Variants in RALGPS2 observed in about 807,000 individuals in gnomAD.
The protein encoded by RALGPS2 is Ral GEF with PH domain and SH3 binding motif 2.
RALGPS2 carries 43 observed loss-of-function variants against 86.8 expected under a neutral mutation model. That is an observed-to-expected ratio of 0.50 (90% confidence interval 0.39 to 0.64). The LOEUF (loss-of-function observed/expected upper bound fraction) is 0.64. Ranked by LOEUF, RALGPS2 falls within the 30% of genes least tolerant of loss-of-function variation. The pLI, the probability that RALGPS2 is intolerant of heterozygous loss-of-function variation, is 0.00. For synonymous variants in RALGPS2, 243 were observed against 231.3 expected (o/e 1.05, Z -0.46); for missense variants, 536 against 694.6 (o/e 0.77, Z 2.57).
intron 8 of RALGPS2, among the ~76,000 whole-genome samples, chr1:178,870,118 C>T (rs1472913796): frequency 6.6e-6 from 1 of 152,070 alleles, no homozygotes; most frequent in Non-Finnish European, 1.5e-5. Context: ...ATTACTATTA[C>T]ATGTAAGCCT....
At chr1:178,835,021 G>A (rs568688588) in intron 8 of RALGPS2, among the ~76,000 whole-genome samples, 4 of 152,120 alleles carry the variant, frequency 2.6e-5, no homozygotes, top group East Asian at 1.9e-4. Flanking sequence ...CAAGTGATCC[G>A]CCCATCTCAG....
intron 1 of RALGPS2, among the ~76,000 whole-genome samples, chr1:178,738,573 A>G (rs533801550): frequency 6.6e-6 from 1 of 152,196 alleles, no homozygotes; most frequent in African/African-American, 2.4e-5. Context: ...TTTCAATTTT[A>G]TGTTTCCTTA....
At chr1:178,904,267 A>G (rs1048279842) in intron 18 of RALGPS2, among the ~76,000 whole-genome samples, 1 of 152,126 alleles carries the variant, frequency 6.6e-6, no homozygotes, top group African/African-American at 2.4e-5. Flanking sequence ...TGTCAGATGT[A>G]TAGATTGTGA....
At chr1:178,763,420 T>C (rs1199610605) in intron 1 of RALGPS2, among the ~76,000 whole-genome samples, 4 of 152,258 alleles carry the variant, frequency 2.6e-5, no homozygotes, top group Admixed American at 6.5e-5. Flanking sequence ...ATTGAATCTT[T>C]AGATTGCTTT....
At chr1:178,864,931 T>C in intron 8 of RALGPS2, 1 of 1,401,912 alleles carries the variant, frequency 7.1e-7, no homozygotes, top group Non-Finnish European at 9.3e-7. Context: ...TACTCCCACT[T>C]TTTACAGTAA....
intron 9 of RALGPS2, among the ~76,000 whole-genome samples, 200 bp from the exon 10 acceptor site, chr1:178,878,702 A>T (rs559626876): frequency 1.3e-5 from 2 of 152,184 alleles, no homozygotes; most frequent in African/African-American, 4.8e-5. Flanking sequence ...ACAACAATCT[A>T]TACAAACAAT....
At chr1:178,835,951 G>T (rs1419556602) in intron 8 of RALGPS2, among the ~76,000 whole-genome samples, 2 of 152,138 alleles carry the variant, frequency 1.3e-5, no homozygotes, top group African/African-American at 4.8e-5. Context: ...AGAAAATTAA[G>T]ATTATTTTCC....
chr1:178,831,015 T>C (rs1393839636), intron 7 of RALGPS2, among the ~76,000 whole-genome samples: 1 of 152,212 alleles, frequency 6.6e-6, no homozygotes, highest in African/African-American at 2.4e-5. Flanking sequence ...TGGATGAAGC[T>C]TTAATATCAC....
At chr1:178,854,868 GT>G (rs1657424248) in intron 8 of RALGPS2, among the ~76,000 whole-genome samples, 1 of 152,138 alleles carries the variant, frequency 6.6e-6, no homozygotes, top group African/African-American at 2.4e-5. Context: ...CTTTTAGGGT[GT>G]CTGACTCTTG....
intron 8 of RALGPS2, among the ~76,000 whole-genome samples, chr1:178,847,666 G>T (rs1223307784): frequency 1.3e-5 from 2 of 152,114 alleles, no homozygotes; most frequent in Admixed American, 6.5e-5. Flanking sequence ...CTTTAGTACA[G>T]ATTTATAAGT....
At position 178,851,148 on chromosome 1, in the gene RALGPS2, A is replaced by G. The variant is rs980692057; in HGVS notation, c.607+17598A>G. ...CTCTCTTCAGTCAATAGGCTTGATC[A>G]TCATCTGAACTGCTCTTAAGGAGTA... On this transcript the variant is annotated intron_variant, in intron 8 of 19. Transcript: ENST00000367635. 31 of 1,613,192 alleles carry G rather than the reference A, an allele frequency of 1.9e-5. No homozygotes were observed. Among genetic ancestry groups the G allele is most frequent in the Non-Finnish European group, 2.5e-5 (30 of 1,179,672 alleles).
intron 19 of RALGPS2, among the ~76,000 whole-genome samples, chr1:178,911,377 T>C (rs774208083): frequency 1.3e-5 from 2 of 152,182 alleles, no homozygotes; most frequent in Non-Finnish European, 2.9e-5. Flanking sequence ...TCTTTCTAAC[T>C]TCTTGACATA....
intron 4 of RALGPS2, among the ~76,000 whole-genome samples, chr1:178,795,638 A>G (rs1304991228): frequency 6.6e-6 from 1 of 151,946 alleles, no homozygotes; most frequent in Non-Finnish European, 1.5e-5. Context: ...TGTCTCGAAC[A>G]CCTGACCTAA....
At chr1:178,901,823 TATATC>T (rs1660189256) in intron 17 of RALGPS2, among the ~76,000 whole-genome samples, 1 of 151,956 alleles carries the variant, frequency 6.6e-6, no homozygotes, top group Non-Finnish European at 1.5e-5. Flanking sequence ...AACAGATTAA[TATATC>T]ATATTCACAA....
intron 2 of RALGPS2, among the ~76,000 whole-genome samples, chr1:178,779,451 G>A (rs923541852): frequency 1.3e-5 from 2 of 152,114 alleles, no homozygotes; most frequent in African/African-American, 4.8e-5. Flanking sequence ...TTTTGCCCCA[G>A]CTAGTTACTT....
chr1:178,873,401 CAG>C lies in RALGPS2; in HGVS notation c.608-4091_608-4090del, dbSNP rs140625604. On this transcript the variant is annotated intron_variant, in intron 8 of 19. Transcript: ENST00000367635. Reference sequence around the variant, plus strand: ...AATCAAGGAAATAAAAATTAAGACACAGAGAGATACCATTTTATACTCAGAAG... The same window carrying C: ...AATCAAGGAAATAAAAATTAAGACACAGAGATACCATTTTATACTCAGAAG... Among the ~76,000 whole-genome samples the C allele has an allele frequency of 1.2e-4, 18 of 152,194 alleles. No individual in the cohort carries two copies. In the South Asian group the frequency reaches 2.3e-3, roughly 19 times the overall value.
intron 6 of RALGPS2, among the ~76,000 whole-genome samples, chr1:178,817,331 ACT>A (rs559959043): frequency 8.9e-4 from 118 of 132,648 alleles, no homozygotes; most frequent in African/African-American, 3.2e-3. Flanking sequence ...GGCGACAGAG[ACT>A]CTGTCTCAAT....
intron 4 of RALGPS2, among the ~76,000 whole-genome samples, chr1:178,806,788 A>G (rs752627720): frequency 2.1e-4 from 32 of 151,006 alleles, no homozygotes; most frequent in African/African-American, 4.6e-4. Flanking sequence ...CCCTAACTCT[A>G]TTTCCTCAGT....
chr1:178,863,030 C>G (rs1385782673), intron 8 of RALGPS2, among the ~76,000 whole-genome samples: 1 of 152,192 alleles, frequency 6.6e-6, no homozygotes, highest in Non-Finnish European at 1.5e-5. Flanking sequence ...GCAGTAAATA[C>G]TGTTATTCCC....
Sources: allele counts gnomAD v4.1 joint callset (sites outside exome capture counted in the v4.1 genomes callset), GRCh38; gene constraint gnomAD v4.1.1; transcripts MANE v1.5; gene names NCBI Gene and HGNC (gene_info 2026-07-23, HGNC 2026-07-21).